BRCA2: variants seen among roughly 807,000 people sequenced by gnomAD.
The protein encoded by BRCA2 is breast cancer type 2 susceptibility protein.
BRCA2 carries 203 observed loss-of-function variants against 276.7 expected under a neutral mutation model. The observed-to-expected ratio is 0.73, with a 90% CI of 0.65 to 0.82. The LOEUF (loss-of-function observed/expected upper bound fraction) is 0.82, where lower values mean the gene tolerates loss of function less well. Ranked by LOEUF, BRCA2 falls within the 40% of genes least tolerant of loss-of-function variation. The pLI, the probability that BRCA2 is intolerant of heterozygous loss-of-function variation, is 0.00. For missense variants in BRCA2, 3,920 were observed against 3,915.0 expected (o/e 1.00, Z -0.03); for synonymous variants, 1,289 against 1,338.4 (o/e 0.96, Z 0.81).
rs1372510250 is a variant in BRCA2, at chr13:32,332,869, T to C, written c.1391T>C (p.Val464Ala). Residue 464 changes from valine to alanine, a missense_variant, in exon 10 of 27, where the codon GTG becomes GCG. Val to Ala is a moderately conservative substitution (Grantham distance 64). Coordinates refer to ENST00000380152, the MANE Select transcript of BRCA2 (RefSeq NM_000059.4). ...GAGAAGCCATTAAATGAGGAAACAG[T>C]GGTAAATAAGAGAGATGAAGAGCAG... is the stretch of plus-strand genomic sequence containing the variant. ...KSEKPLNEET[V>A]VNKRDEEQHL... is the part of the protein sequence containing the mutation. 6.2e-7 allele frequency: 1 copy of C among 1,611,782 alleles called. No individual in the cohort carries two copies. Among genetic ancestry groups the C allele is most frequent in the East Asian group, 2.2e-5 (1 of 44,862 alleles).
Position 32,333,120 on chromosome 13 carries a change from C to T in BRCA2, c.1642C>T (p.Gln548Ter), listed in dbSNP as rs398122729. Reference sequence around the variant, plus strand: ...ACTGGAAATACATACTGTTTGCTCACAGAAGGAGGACTCCTTATGTCCAAA... The same window carrying T: ...ACTGGAAATACATACTGTTTGCTCATAGAAGGAGGACTCCTTATGTCCAAA... ...SGLEIHTVCS[Q>*]KEDSLCPNLI... The change falls in exon 10 of 27, where the codon CAG (glutamine) becomes TAG (stop). Residue 548 changes from glutamine to a stop codon, truncating the protein, a stop_gained. Coordinates refer to ENST00000380152, the MANE Select transcript of BRCA2 (RefSeq NM_000059.4). LOFTEE classifies it high-confidence loss of function. The T allele has an allele frequency of 6.2e-7, 1 of 1,614,026 alleles. No individual in the cohort carries two copies. The highest frequency in any genetic ancestry group is 8.5e-7 in the Non-Finnish European group (1 of 1,179,996).
At chr13:32,354,828 T>G (rs1170071431) in intron 13 of BRCA2, 33 bp from the exon 14 acceptor site, 1 of 1,374,272 alleles carries the variant, frequency 7.3e-7, no homozygotes, top group Non-Finnish European at 1.0e-6. Context: ...TGTGTACTAG[T>G]CAATAAACTT....
intron 24 of BRCA2, among the ~76,000 whole-genome samples, chr13:32,393,937 C>G (rs2073015430): frequency 6.6e-6 from 1 of 152,190 alleles, no homozygotes; most frequent in African/African-American, 2.4e-5. Context: ...TTCCCCCACT[C>G]ACACCCTGTT....
intron 4 of BRCA2, 40 bp downstream of exon 4, chr13:32,325,224 A>T (rs1308293446): frequency 1.5e-6 from 2 of 1,355,680 alleles, no homozygotes; most frequent in South Asian, 2.5e-5. Context: ...TAAATGAAAC[A>T]TTTTCCTACA....
At chr13:32,396,664 C>G in intron 25 of BRCA2, 1 of 542,512 alleles carries the variant, frequency 1.8e-6, no homozygotes, top group Non-Finnish European at 3.3e-6. Context: ...CTCTTTCCTT[C>G]AGATACACAT....
At chr13:32,394,369 ATG>A (rs1297074414) in intron 24 of BRCA2, among the ~76,000 whole-genome samples, 2 of 152,204 alleles carry the variant, frequency 1.3e-5, no homozygotes, top group African/African-American at 4.8e-5. Flanking sequence ...GTAAATGGAT[ATG>A]TGTCTTTGCT....
intron 18 of BRCA2, among the ~76,000 whole-genome samples, chr13:32,368,941 G>C (rs1021655870): frequency 2.6e-5 from 4 of 151,834 alleles, no homozygotes; most frequent in Non-Finnish European, 5.9e-5. Flanking sequence ...CTCCCGAGTA[G>C]CTGGGACTAC....
chr13:32,351,959 G>T (rs1769141278), intron 13 of BRCA2, among the ~76,000 whole-genome samples: 1 of 152,056 alleles, frequency 6.6e-6, no homozygotes, highest in Admixed American at 6.6e-5. Context: ...GTGCCACCAT[G>T]CCCGGCTAAT....
chr13:32,336,879 G>C lies in BRCA2; in HGVS notation c.2524G>C (p.Val842Leu), dbSNP rs587782454. The C allele has an allele frequency of 5.6e-6, 9 of 1,610,388 alleles. No homozygotes were observed. The Admixed American group carries it at 1.5e-4, about 27-fold the overall frequency. Reference sequence around the variant, plus strand: ...GTTGCCACCTGAAAAATACATGAGAGTAGCATCACCTTCAAGAAAGGTACA... The same window carrying C: ...GTTGCCACCTGAAAAATACATGAGACTAGCATCACCTTCAAGAAAGGTACA... ...ELLPPEKYMRVASPSRKVQFN... is the reference protein window; with the variant it reads ...ELLPPEKYMRLASPSRKVQFN... Residue 842 changes from valine to leucine, a missense_variant, in exon 11 of 27, where the codon GTA (valine) becomes CTA (leucine). Val to Leu is a conservative substitution (Grantham distance 32, BLOSUM62 1). Transcript: ENST00000380152.
chr13:32,388,558 G>A (rs997348373), intron 24 of BRCA2, among the ~76,000 whole-genome samples: 5 of 151,578 alleles, frequency 3.3e-5, no homozygotes, highest in Admixed American at 1.3e-4. Context: ...CAGGCCTTGC[G>A]TTAGATGATT....
chr13:32,316,766 C>T (rs1229632150), intron 2 of BRCA2, among the ~76,000 whole-genome samples: 5 of 152,192 alleles, frequency 3.3e-5, no homozygotes, highest in Non-Finnish European at 5.9e-5. Flanking sequence ...CAATTACTAA[C>T]AAATCAGAAG....
chr13:32,343,297 A>C (rs1039467343), intron 11 of BRCA2, among the ~76,000 whole-genome samples: 5 of 152,190 alleles, frequency 3.3e-5, no homozygotes, highest in Admixed American at 2.0e-4. Flanking sequence ...GCAAATGCCA[A>C]AACTCCAACA....
chr13:32,395,963 T>TCTTTC (rs66657277), intron 25 of BRCA2: 1 of 160,738 alleles, frequency 6.2e-6, no homozygotes, highest in African/African-American at 3.3e-5. Context: ...TTTCTTTCTT[T>TCTTTC]TTTTTTTTTT....
rs80359092 is a variant in BRCA2, at chr13:32,370,508, G to A, written c.8438G>A (p.Gly2813Glu). The A allele has an allele frequency of 2.5e-6, 4 of 1,613,944 alleles. No homozygotes were observed. Among genetic ancestry groups the A allele is most frequent in the Non-Finnish European group, 3.4e-6 (4 of 1,179,832 alleles). Reference sequence around the variant, plus strand: ...TTATCATCGCTTTTCAGTGATGGAGGAAATGTTGGTTGTGTTGATGTAATT... The same window carrying A: ...TTATCATCGCTTTTCAGTGATGGAGAAAATGTTGGTTGTGTTGATGTAATT... The part of the protein sequence containing the change: ...LPLSSLFSDG[G>E]NVGCVDVIIQ... Residue 2813 changes from glycine (G) to glutamate (E), a missense_variant, in exon 19 of 27, where the codon GGA becomes GAA. Coordinates refer to ENST00000380152, the MANE Select transcript of BRCA2 (RefSeq NM_000059.4).
In BRCA2 at chr13:32,357,868, G is replaced by A. The variant is rs876660384; in HGVS notation, c.7744G>A (p.Ala2582Thr). 1 of 1,614,096 alleles carries A rather than the reference G, an allele frequency of 6.2e-7. No homozygotes were observed. The highest frequency in any genetic ancestry group is 1.1e-5 in the South Asian group (1 of 91,080). The change falls in exon 16 of 27, where the codon GCT becomes ACT. Residue 2582 changes from alanine to threonine, a missense_variant. Ala to Thr is a moderately conservative substitution (Grantham distance 58). Around this residue, in one of 2 missense-constraint regions of BRCA2, gnomAD observed 3,263 missense variants for 3,156.9 expected, o/e 1.03. Coordinates refer to ENST00000380152, the MANE Select transcript of BRCA2 (RefSeq NM_000059.4). ...ATGGACTGGAAAAGGAATACAGTTG[G>A]CTGATGGTGGATGGCTCATACCCTC... ...SLWTGKGIQL[A>T]DGGWLIPSND...
chr13:32,365,248 C>T (rs1593926750), intron 18 of BRCA2, among the ~76,000 whole-genome samples: 1 of 150,404 alleles, frequency 6.6e-6, no homozygotes, highest in Non-Finnish European at 1.5e-5. Context: ...ACGGTCCTCA[C>T]GCTTTAGCCT....
Position 32,325,144 on chromosome 13 carries a change from G to T in BRCA2, c.385G>T (p.Asp129Tyr), listed in dbSNP as rs1311319943. 6.2e-7 allele frequency: 1 copy of T among 1,607,362 alleles called. No homozygotes were observed. Among genetic ancestry groups the T allele is most frequent in the African/African-American group, 1.3e-5 (1 of 74,766 alleles). Reference sequence around the variant, plus strand: ...GAAAACTAAAATGGATCAAGCAGATGATGTTTCCTGTCCACTTCTAAATTC... The same window carrying T: ...GAAAACTAAAATGGATCAAGCAGATTATGTTTCCTGTCCACTTCTAAATTC... ...TVKTKMDQAD[D>Y]VSCPLLNSCL... The change falls in exon 4 of 27, where the codon GAT (aspartate) becomes TAT (tyrosine). Residue 129 changes from aspartate to tyrosine, a missense_variant. Asp to Tyr is a radical substitution (Grantham distance 160). This residue lies in a region of BRCA2 where 3,263 missense variants were observed against 3,156.9 expected (regional missense o/e 1.03). Transcript: ENST00000380152.
rs1566252757 is a variant in BRCA2 at position 32,379,469 on chromosome 13, G to C, written c.8907G>C (p.Val2969=). The C allele has an allele frequency of 1.9e-6, 3 of 1,613,346 alleles. No individual in the cohort carries two copies. The highest frequency in any genetic ancestry group is 2.5e-6 in the Non-Finnish European group (3 of 1,179,794). ...EQGLSRDVTT[V]WKLRIVSYSK... is the part of the protein sequence containing the mutation. ...GTTTATCAAGGGATGTCACAACCGT[G>C]TGGAAGTTGCGTATTGTAAGCTATT... The change falls in exon 22 of 27, where the codon GTG becomes GTC. Residue 2969 remains valine (V), a synonymous_variant. Coordinates refer to ENST00000380152, the MANE Select transcript of BRCA2 (RefSeq NM_000059.4).
chr13:32,364,798 T>C (rs2137585231), intron 18 of BRCA2, among the ~76,000 whole-genome samples: 1 of 152,316 alleles, frequency 6.6e-6, no homozygotes, highest in Non-Finnish European at 1.5e-5. Context: ...CCTCTTCATA[T>C]GCTTACTCCA....
Sources: allele counts gnomAD v4.1 joint callset (sites outside exome capture counted in the v4.1 genomes callset), GRCh38; gene constraint gnomAD v4.1.1; regional missense constraint gnomAD v4.1.1; transcripts MANE v1.5; gene names NCBI Gene and HGNC (gene_info 2026-07-23, HGNC 2026-07-21).